Variants in VWC2L observed in about 807,000 individuals in gnomAD.
VWC2L encodes von Willebrand factor C domain containing 2 like.
VWC2L carries 10 observed loss-of-function variants against 21.6 expected under a neutral mutation model. The observed-to-expected ratio is 0.46, with a 90% confidence interval of 0.29 to 0.78. VWC2L has a LOEUF of 0.78. VWC2L is among the 30% of genes least tolerant of loss of function. The pLI is 0.10. For synonymous variants in VWC2L, 96 were observed against 94.3 expected (o/e 1.02, Z -0.10); for missense variants, 209 against 277.1 (o/e 0.75, Z 1.74).
intron 3 of VWC2L, among the ~76,000 whole-genome samples, chr2:214,547,298 A>AAT (rs1245143175): frequency 6.6e-6 from 1 of 152,200 alleles, no homozygotes; most frequent in African/African-American, 2.4e-5. Context: ...GGAATCCTGG[A>AAT]ATCAGCCCTA....
intron 3 of VWC2L, among the ~76,000 whole-genome samples, chr2:214,481,573 T>C (rs1299159019): frequency 6.6e-6 from 1 of 152,230 alleles, no homozygotes; most frequent in Non-Finnish European, 1.5e-5. Flanking sequence ...TCATTGTTGT[T>C]TAAACCCAGC....
At chr2:214,435,787 C>A (rs1266135946) in intron 2 of VWC2L, among the ~76,000 whole-genome samples, 3 of 152,080 alleles carry the variant, frequency 2.0e-5, no homozygotes, top group Non-Finnish European at 4.4e-5. Context: ...CTAGAACTTA[C>A]AAAGGATGAG....
chr2:214,536,162 G>A (rs1165941681), intron 3 of VWC2L, among the ~76,000 whole-genome samples: 1 of 152,088 alleles, frequency 6.6e-6, no homozygotes, highest in Non-Finnish European at 1.5e-5. Context: ...TAACTTGTTG[G>A]AATGTTGGAA....
intron 3 of VWC2L, among the ~76,000 whole-genome samples, chr2:214,560,067 C>T (rs1689942275): frequency 6.6e-6 from 1 of 152,126 alleles, no homozygotes; most frequent in Non-Finnish European, 1.5e-5. Flanking sequence ...AACAAACTAG[C>T]CTCATTATAC....
At position 214,572,247 on chromosome 2, in the gene VWC2L, G is replaced by A. The variant is rs74389248; in HGVS notation, c.521-3425G>A. Among the ~76,000 whole-genome samples, 313 of 152,250 alleles carry A rather than the reference G, an allele frequency of 2.1e-3. 2 individuals carry two copies. In the East Asian group the frequency reaches 0.033, roughly 16 times the overall value. The stretch of plus-strand genomic sequence containing the variant: ...TTTTCTCTTATTCTAGACCCCAGAA[G>A]GAGGAGAGAACAGTTGTTCACCATT... On this transcript the variant is annotated intron_variant, in intron 3 of 3. Transcript: ENST00000312504.
chr2:214,425,456 T>C (rs2126173896), intron 2 of VWC2L, among the ~76,000 whole-genome samples: 1 of 152,354 alleles, frequency 6.6e-6, no homozygotes. Context: ...TTTGCACTGA[T>C]GTATCATAAC....
chr2:214,489,302 G>T (rs955923438), intron 3 of VWC2L, among the ~76,000 whole-genome samples: 2 of 152,128 alleles, frequency 1.3e-5, no homozygotes, highest in African/African-American at 2.4e-5. Context: ...GTCATTAAAA[G>T]ATTTTAAGGA....
rs7568263 is a variant in VWC2L at position 214,577,975 on chromosome 2, T to C, written c.*2155T>C. On this transcript the variant is annotated 3_prime_UTR_variant, in exon 4 of 4. Coordinates refer to ENST00000312504, the MANE Select transcript of VWC2L (RefSeq NM_001080500.4). ...CATGGATACATCATATAGACAGTCA[T>C]GAATCATTCATGAGCAATGCTGCAT... The C allele has an allele frequency of 5.3e-5, 8 of 151,908 alleles. No individual in the cohort carries two copies. The highest frequency in any genetic ancestry group is 9.7e-5 in the African/African-American group (4 of 41,324). 9.4% of individuals were successfully genotyped at this position (151,908 alleles called of 1,614,324 possible). A position where few individuals can be genotyped will look rare whatever the true frequency, so the allele number is the denominator to read the frequency against.
At chr2:214,439,107 G>GCC (rs1174172811) in intron 3 of VWC2L, among the ~76,000 whole-genome samples, 1 of 151,978 alleles carries the variant, frequency 6.6e-6, no homozygotes, top group East Asian at 1.9e-4. Flanking sequence ...TATAATCATT[G>GCC]CCAAAGAAGA....
At chr2:214,507,850 T>C (rs939153816) in intron 3 of VWC2L, among the ~76,000 whole-genome samples, 1 of 152,212 alleles carries the variant, frequency 6.6e-6, no homozygotes, top group Non-Finnish European at 1.5e-5. Context: ...TTCAAGGAAT[T>C]TGCAGCTAGT....
intron 3 of VWC2L, among the ~76,000 whole-genome samples, chr2:214,461,237 C>T (rs1703136135): frequency 1.3e-5 from 2 of 152,124 alleles, no homozygotes; most frequent in African/African-American, 4.8e-5. Context: ...AATTCTGGGG[C>T]CTCTCAGCAG....
chr2:214,483,869 G>A (rs1239569521), intron 3 of VWC2L, among the ~76,000 whole-genome samples: 2 of 152,132 alleles, frequency 1.3e-5, no homozygotes, highest in South Asian at 2.1e-4. Flanking sequence ...CCATATCAAG[G>A]TACCATGAAC....
chr2:214,442,490 T>A (rs1329027198), intron 3 of VWC2L, among the ~76,000 whole-genome samples: 1 of 152,182 alleles, frequency 6.6e-6, no homozygotes, highest in Admixed American at 6.5e-5. Flanking sequence ...TATTTTTGCA[T>A]GTTGCATTGA....
chr2:214,451,820 T>C (rs560568475), intron 3 of VWC2L, among the ~76,000 whole-genome samples: 38 of 152,348 alleles, frequency 2.5e-4, no homozygotes, highest in African/African-American at 9.1e-4. Context: ...CAACTATTAA[T>C]AAAATTTTAT....
At position 214,436,486 on chromosome 2, in the gene VWC2L, G is replaced by A. The variant is rs918120946; in HGVS notation, c.391-143G>A. The stretch of plus-strand genomic sequence containing the variant: ...GGTGTCTAACTTGCCTTCCACCAAG[G>A]GAGAATGATCGTAGACATGGTAAAT... On this transcript the variant is annotated intron_variant, in intron 2 of 3. Coordinates refer to ENST00000312504, the MANE Select transcript of VWC2L (RefSeq NM_001080500.4). 4 of 1,105,910 alleles carry A rather than the reference G, an allele frequency of 3.6e-6. No individual in the cohort carries two copies. The African/African-American group carries it at 4.7e-5, about 13-fold the overall frequency. 68.5% of individuals were successfully genotyped at this position (1,105,910 alleles called of 1,614,324 possible). A position where few individuals can be genotyped will look rare whatever the true frequency, so the allele number is the denominator to read the frequency against.
intron 1 of VWC2L, among the ~76,000 whole-genome samples, chr2:214,413,182 T>G (rs6740246): frequency 0.39 from 58,634 of 151,946 alleles, 14,136 homozygotes; most frequent in African/African-American, 0.69. Context: ...TGTGCAGATT[T>G]TGTACATGTA....
chr2:214,536,541 A>G (rs932763949), intron 3 of VWC2L, among the ~76,000 whole-genome samples: 1 of 152,094 alleles, frequency 6.6e-6, no homozygotes, highest in Non-Finnish European at 1.5e-5. Context: ...GTAAAAATGA[A>G]AAAAAGCATA....
chr2:214,558,459 C>T (rs1245646301), intron 3 of VWC2L, among the ~76,000 whole-genome samples: 3 of 152,168 alleles, frequency 2.0e-5, no homozygotes, highest in Non-Finnish European at 4.4e-5. Flanking sequence ...TCTCCAAATC[C>T]TGCCCCTTCT....
chr2:214,435,547 T>A (rs2126178314), intron 2 of VWC2L, among the ~76,000 whole-genome samples: 1 of 152,260 alleles, frequency 6.6e-6, no homozygotes, highest in South Asian at 2.1e-4. Flanking sequence ...GATTGTCAGA[T>A]CCAGGGAAGA....
Sources: gnomAD v4.1 joint callset for allele counts (sites outside exome capture counted in the v4.1 genomes callset) on GRCh38, gnomAD v4.1.1 for gene constraint, MANE v1.5 for transcripts, NCBI Gene and HGNC (gene_info 2026-07-23, HGNC 2026-07-21) for gene names.